The following BCKDHA variants were observed in gnomAD, a reference collection of about 807,000 sequenced individuals.
BCKDHA encodes 2-oxoisovalerate dehydrogenase subunit alpha, mitochondrial.
A neutral mutation model predicts 52.2 loss-of-function variants in BCKDHA; 43 were observed. The ratio of observed to expected loss-of-function variants is 0.82; its 90% confidence interval spans 0.64 to 1.06. BCKDHA has a LOEUF of 1.06. Ranked by LOEUF, BCKDHA falls within the 50% of genes least tolerant of loss-of-function variation. The pLI, the probability that BCKDHA is intolerant of heterozygous loss-of-function variation, is 0.00. For missense variants in BCKDHA, 527 were observed against 621.3 expected (o/e 0.85, Z 1.61); for synonymous variants, 234 against 247.9 (o/e 0.94, Z 0.53).
intron 3 of BCKDHA, among the ~76,000 whole-genome samples, chr19:41,413,278 GT>G (rs2039275664): frequency 6.6e-6 from 1 of 152,206 alleles, no homozygotes. Flanking sequence ...GGCTAAAACT[GT>G]GTCCCATGGC....
At chr19:41,419,446 T>C (rs945567584) in intron 5 of BCKDHA, 150 bp downstream of exon 5, 1 of 1,088,998 alleles carries the variant, frequency 9.2e-7, no homozygotes, top group East Asian at 2.6e-5. Context: ...CTTCTTCTTA[T>C]TTTTTTCTTT....
intron 1 of BCKDHA, among the ~76,000 whole-genome samples, chr19:41,404,135 A>G (rs1004469056): frequency 4.6e-5 from 7 of 151,688 alleles, no homozygotes; most frequent in Middle Eastern, 3.2e-3. Flanking sequence ...ATGCACCACC[A>G]TGCCTGGCTA....
At chr19:41,424,006 A>G (rs1599963770) in intron 8 of BCKDHA, among the ~76,000 whole-genome samples, 2 of 150,812 alleles carry the variant, frequency 1.3e-5, no homozygotes, top group African/African-American at 4.9e-5. Context: ...AAAAAAAAAA[A>G]GCTGGTTTGA....
At chr19:41,422,913 CCTT>C in intron 7 of BCKDHA, 82 bp from the exon 8 acceptor site, 1 of 1,572,004 alleles carries the variant, frequency 6.4e-7, no homozygotes, top group Non-Finnish European at 8.6e-7. Context: ...TTCCACTCCT[CCTT>C]CCCTAGTTCA....
chr19:41,402,204 C>T (rs927487295), intron 1 of BCKDHA, among the ~76,000 whole-genome samples: 5 of 152,130 alleles, frequency 3.3e-5, no homozygotes, highest in African/African-American at 1.2e-4. Flanking sequence ...CCCACTGGCT[C>T]CTTCCCACAA....
chr19:41,405,205 T>C (rs1254248513), intron 1 of BCKDHA, among the ~76,000 whole-genome samples: 1 of 152,188 alleles, frequency 6.6e-6, no homozygotes, highest in Non-Finnish European at 1.5e-5. Flanking sequence ...CGGTTAATCC[T>C]CATGACAACC....
At chr19:41,413,468 C>T (rs891503705) in intron 3 of BCKDHA, among the ~76,000 whole-genome samples, 1 of 152,126 alleles carries the variant, frequency 6.6e-6, no homozygotes, top group Non-Finnish European at 1.5e-5. Flanking sequence ...CCGCCTCCCT[C>T]TGCTACCAAG....
intron 4 of BCKDHA, chr19:41,418,765 C>G (rs1321292358): frequency 2.2e-6 from 1 of 448,964 alleles, no homozygotes; most frequent in East Asian, 6.9e-5. Context: ...GTCTCCAACT[C>G]CTGGGCTCAA....
chr19:41,420,088 A>G (rs1046091854), intron 5 of BCKDHA, among the ~76,000 whole-genome samples: 1 of 151,892 alleles, frequency 6.6e-6, no homozygotes, highest in African/African-American at 2.4e-5. Context: ...CTTTGAATGC[A>G]CCTCTTGTCT....
chr19:41,422,556 G>A (rs565385732), intron 6 of BCKDHA, 73 bp from the exon 7 acceptor site: 2 of 1,605,996 alleles, frequency 1.2e-6, no homozygotes, highest in East Asian at 2.2e-5. Flanking sequence ...TCCTCTCCCT[G>A]CTCGTCCCCT....
Position 41,414,108 on chromosome 19 carries a change from C to A in BCKDHA, c.435C>A (p.Ala145=). The change falls in exon 4 of 9, where the codon GCC becomes GCA. Residue 145 remains alanine, a synonymous_variant. Coordinates refer to ENST00000269980, the MANE Select transcript of BCKDHA (RefSeq NM_000709.4). ...AGGAGGGCACGCACGTGGGGAGTGC[C>A]GCCGCCCTGGACAACACGGACCTGG... ...YGEEGTHVGS[A]AALDNTDLVF... 6.2e-7 allele frequency: 1 copy of A among 1,613,734 alleles called. No individual in the cohort carries two copies.
At chr19:41,418,199 A>G (rs2122132000) in intron 4 of BCKDHA, among the ~76,000 whole-genome samples, 1 of 151,904 alleles carries the variant, frequency 6.6e-6, no homozygotes, top group South Asian at 2.1e-4. Context: ...TTTGGAAAGC[A>G]CTGTACTAGA....
rs1187027624 is a variant in BCKDHA, at chr19:41,423,164, A to G, written c.1162A>G (p.Arg388Gly). ...QEKAWRKQSR[R>G]KVMEAFEQAE... ...GAAGGCCTGGAGGAAGCAGTCCCGC[A>G]GGAAGGTGAGGGTGCCCCGCCCGGG... Residue 388 changes from arginine to glycine, a missense_variant, in exon 8 of 9, where the codon AGG becomes GGG. Arg to Gly is a moderately radical substitution (Grantham distance 125). Coordinates refer to ENST00000269980, the MANE Select transcript of BCKDHA (RefSeq NM_000709.4). 3.9e-6 allele frequency: 6 copies of G among 1,553,130 alleles called. No individual in the cohort carries two copies. The African/African-American group carries it at 4.1e-5, about 11-fold the overall frequency.
intron 1 of BCKDHA, among the ~76,000 whole-genome samples, chr19:41,403,241 G>T (rs1386424782): frequency 6.6e-6 from 1 of 152,210 alleles, no homozygotes; most frequent in East Asian, 1.9e-4. Context: ...TTGAGCTCAG[G>T]AGAGAGTGGG....
rs981508597 is a variant in BCKDHA at position 41,409,490 on chromosome 19, A to T, written c.109-1147A>T. Among the ~76,000 whole-genome samples the T allele has an allele frequency of 2.0e-5, 3 of 152,234 alleles. No individual in the cohort carries two copies. The South Asian group carries it at 6.2e-4, about 32-fold the overall frequency. ...TGTCAGGTGCTCAAATATTTGTTGA[A>T]TGAGTCAGTCTGGGCTCGCAGAGGG... On this transcript the variant is annotated intron_variant, in intron 1 of 8. Transcript: ENST00000269980.
chr19:41,422,249 G>T lies in BCKDHA; in HGVS notation c.732G>T (p.Gly244=). 1 of 1,614,206 alleles carries T rather than the reference G, an allele frequency of 6.2e-7. No homozygotes were observed. Among genetic ancestry groups the T allele is most frequent in the Non-Finnish European group, 8.5e-7 (1 of 1,180,008 alleles). ...TCGGCGAGGGGGCAGCCAGTGAGGG[G>T]GACGCCCATGCCGGCTTCAACTTCG... ...CYFGEGAASE[G]DAHAGFNFAA... The change falls in exon 6 of 9, where the codon GGG becomes GGT. Residue 244 remains glycine, a synonymous_variant. Coordinates refer to ENST00000269980, the MANE Select transcript of BCKDHA (RefSeq NM_000709.4).
chr19:41,414,542 C>A (rs1475914012), intron 4 of BCKDHA, among the ~76,000 whole-genome samples: 2 of 152,082 alleles, frequency 1.3e-5, no homozygotes, highest in Non-Finnish European at 2.9e-5. Flanking sequence ...TGCAGGAGAC[C>A]CTGTCTGCCT....
At chr19:41,419,025 A>G (rs777898499) in intron 4 of BCKDHA, 110 bp from the exon 5 acceptor site, 24 of 1,355,764 alleles carry the variant, frequency 1.8e-5, no homozygotes, top group Non-Finnish European at 2.5e-5. Flanking sequence ...TCCTCTTAAA[A>G]CAAGCCTGAG....
At chr19:41,412,380 C>CTTTTTCTTTTTTTTTTTTTTTT (rs2039263507) in intron 3 of BCKDHA, among the ~76,000 whole-genome samples, 1 of 65,864 alleles carries the variant, frequency 1.5e-5, no homozygotes, top group Non-Finnish European at 3.1e-5. Context: ...GTAGATATTT[C>CTTTTTCTTTTTTTTTTTTTTTT]TTTTTTTTTT....
Sources: allele counts gnomAD v4.1 joint callset (sites outside exome capture counted in the v4.1 genomes callset), GRCh38; gene constraint gnomAD v4.1.1; transcripts MANE v1.5; gene names NCBI Gene and HGNC (gene_info 2026-07-23, HGNC 2026-07-21).